The following GABPB1 variants were observed in gnomAD, a reference collection of about 807,000 sequenced individuals.
GABPB1 encodes GA binding protein transcription factor subunit beta 1.
In GABPB1, 15 loss-of-function variants were observed where a neutral mutation model predicts 45.9. That is an observed-to-expected ratio of 0.33 (90% CI 0.22 to 0.50). The LOEUF is 0.50. GABPB1 is among the 20% of genes least tolerant of loss of function. The probability of loss-of-function intolerance (pLI) is 0.98; values close to 1 mark genes in which losing one functional copy is unlikely to be tolerated. For missense variants in GABPB1, 252 were observed against 457.5 expected, an observed-to-expected ratio of 0.55 and a Z score of 4.10; for synonymous variants, 143 against 154.4, an observed-to-expected ratio of 0.93 and a Z score of 0.55.
At chr15:50,325,623 C>T (rs1485112560) in intron 1 of GABPB1, among the ~76,000 whole-genome samples, 2 of 151,990 alleles carry the variant, frequency 1.3e-5, no homozygotes, top group East Asian at 1.9e-4. Flanking sequence ...GCTCCGCCTC[C>T]GGGGTTCACA....
At chr15:50,285,545 T>C (rs1375067382) in intron 8 of GABPB1, among the ~76,000 whole-genome samples, 2 of 152,176 alleles carry the variant, frequency 1.3e-5, no homozygotes, top group Non-Finnish European at 2.9e-5. Context: ...TACAAATTAC[T>C]TTGGGAGAGG....
At chr15:50,325,343 G>A (rs2047713256) in intron 1 of GABPB1, among the ~76,000 whole-genome samples, 1 of 148,892 alleles carries the variant, frequency 6.7e-6, no homozygotes, top group Non-Finnish European at 1.5e-5. Context: ...AAAGCCAGAA[G>A]TTGAGACCCC....
intron 1 of GABPB1, among the ~76,000 whole-genome samples, chr15:50,343,413 A>C (rs2048454204): frequency 6.6e-6 from 1 of 152,214 alleles, no homozygotes; most frequent in Non-Finnish European, 1.5e-5. Flanking sequence ...GGTCTAGCAC[A>C]AGTTGGTTCT....
At chr15:50,291,573 G>A (rs1036553411) in intron 6 of GABPB1, among the ~76,000 whole-genome samples, 5 of 149,484 alleles carry the variant, frequency 3.3e-5, no homozygotes, top group African/African-American at 1.2e-4. Flanking sequence ...TGATCCGCCT[G>A]CCTTGGCCTC....
intron 7 of GABPB1, among the ~76,000 whole-genome samples, chr15:50,289,214 C>T (rs2046264577): frequency 6.6e-6 from 1 of 151,930 alleles, no homozygotes; most frequent in African/African-American, 2.4e-5. Context: ...TACTTTGGGG[C>T]CAATTTCTCT....
intron 1 of GABPB1, among the ~76,000 whole-genome samples, chr15:50,336,351 C>CT (rs140685878): frequency 0.47 from 60,713 of 129,076 alleles, 15,917 homozygotes; most frequent in Middle Eastern, 0.62. Flanking sequence ...GAGACTCTGT[C>CT]CCAAAAAAAA....
Position 50,292,846 on chromosome 15 carries a change from A to G in GABPB1, c.698-3178T>C, listed in dbSNP as rs866871015. On this transcript the variant is annotated intron_variant, in intron 6 of 8. Transcript: ENST00000380877. ...AACTTAGCAAAATAAAAGTGTGTAT[A>G]TGTGTGTGTGTGTGTGTGTGTGTAC... is the stretch of plus-strand genomic sequence containing the variant. Among the ~76,000 whole-genome samples the G allele has an allele frequency of 1.6e-3, 241 of 149,832 alleles. 1 individual carries two copies. The highest frequency in any genetic ancestry group is 4.5e-3 in the African/African-American group (183 of 40,734).
chr15:50,299,650 C>CA (rs957713173), intron 6 of GABPB1, among the ~76,000 whole-genome samples: 1 of 152,186 alleles, frequency 6.6e-6, no homozygotes, highest in African/African-American at 2.4e-5. Flanking sequence ...CCACCCGCCT[C>CA]AGCCTCCCAA....
chr15:50,350,891 A>G (rs1161918205), intron 1 of GABPB1: 1 of 152,178 alleles, frequency 6.6e-6, no homozygotes, highest in Non-Finnish European at 1.5e-5. Context: ...ACAGAACTCC[A>G]AATCCTTAAA....
chr15:50,292,187 G>A (rs1469682941), intron 6 of GABPB1, among the ~76,000 whole-genome samples: 2 of 151,168 alleles, frequency 1.3e-5, no homozygotes, highest in African/African-American at 4.9e-5. Context: ...GGTGGTGGGC[G>A]CCTCTAGTCC....
At position 50,282,431 on chromosome 15, in the gene GABPB1, G is replaced by C. The variant is rs1332885567; in HGVS notation, c.999+3637C>G. ...ATAAAAATAAACTTAGCCGGGTATA[G>C]CGGTCCCAGCTGCTTGGGAGGCTGA... On this transcript the variant is annotated intron_variant, in intron 8 of 8. Transcript: ENST00000380877. 8.3e-6 allele frequency: 3 copies of C among 360,916 alleles called. No individual in the cohort carries two copies. The Admixed American group carries it at 1.1e-4, about 14-fold the overall frequency. The allele number at this position is 360,916 out of a possible 1,614,324, so 22.4% of individuals were successfully genotyped here.
At chr15:50,285,431 T>A (rs1158991226) in intron 8 of GABPB1, among the ~76,000 whole-genome samples, 1 of 152,134 alleles carries the variant, frequency 6.6e-6, no homozygotes, top group Non-Finnish European at 1.5e-5. Context: ...TCATTTGATA[T>A]AACTTATTAT....
intron 1 of GABPB1, among the ~76,000 whole-genome samples, chr15:50,318,191 AC>A (rs779122773): frequency 2.6e-5 from 4 of 152,182 alleles, no homozygotes; most frequent in Non-Finnish European, 5.9e-5. Flanking sequence ...AAAAAGATTT[AC>A]CAAAGAACAC....
chr15:50,286,179 T>A lies in GABPB1; in HGVS notation c.888A>T (p.Leu296Phe). The A allele has an allele frequency of 6.5e-7, 1 of 1,543,144 alleles. No homozygotes were observed. The highest frequency in any genetic ancestry group is 8.8e-7 in the Non-Finnish European group (1 of 1,142,730). ...IVTMPDGQQV[L>F]TVPATDIAEE... The stretch of plus-strand genomic sequence containing the variant: ...CAGCAATGTCTGTTGCTGGTACTGT[T>A]AATACTAAAATGAAAAAAAAATTAT... Residue 296 changes from leucine (L) to phenylalanine (F), a missense_variant, in exon 8 of 9, where the codon TTA (leucine) becomes TTT (phenylalanine). Leu to Phe is a conservative substitution (Grantham distance 22, BLOSUM62 0). Around this residue, in one of 4 missense-constraint regions of GABPB1, gnomAD observed 193 missense variants for 259.9 expected, o/e 0.74. Coordinates refer to ENST00000380877, the MANE Select transcript of GABPB1 (RefSeq NM_016654.5).
intron 1 of GABPB1, among the ~76,000 whole-genome samples, chr15:50,310,502 T>G (rs1350561305): frequency 1.3e-5 from 2 of 152,240 alleles, no homozygotes; most frequent in Non-Finnish European, 2.9e-5. Context: ...CATCTGTTGT[T>G]GGTGCAAATT....
intron 1 of GABPB1, chr15:50,354,318 C>T: frequency 2.2e-6 from 1 of 447,966 alleles, no homozygotes; most frequent in Non-Finnish European, 4.5e-6. Context: ...CTCAGGACTC[C>T]AGTCCCCGCG....
chr15:50,329,981 A>G (rs1595817596), intron 1 of GABPB1, among the ~76,000 whole-genome samples: 1 of 149,946 alleles, frequency 6.7e-6, no homozygotes, highest in South Asian at 2.1e-4. Flanking sequence ...ATCATGGCTC[A>G]CTGCAGCCTC....
chr15:50,296,399 C>T (rs1052130901), intron 6 of GABPB1, among the ~76,000 whole-genome samples: 10 of 152,148 alleles, frequency 6.6e-5, no homozygotes, highest in African/African-American at 9.7e-5. Flanking sequence ...AAAGTAATAG[C>T]GACGCTCTTG....
intron 8 of GABPB1, chr15:50,282,228 C>A: frequency 2.2e-6 from 1 of 449,478 alleles, no homozygotes; most frequent in South Asian, 1.6e-5. Flanking sequence ...TACAAACATA[C>A]ATACATACAT....
Sources: allele counts gnomAD v4.1 joint callset (sites outside exome capture counted in the v4.1 genomes callset), GRCh38; gene constraint gnomAD v4.1.1; regional missense constraint gnomAD v4.1.1; transcripts MANE v1.5; gene names NCBI Gene and HGNC (gene_info 2026-07-23, HGNC 2026-07-21).